ZNF334: variants seen among roughly 807,000 people sequenced by gnomAD.
ZNF334 encodes zinc finger protein 334.
ZNF334 carries 14 observed loss-of-function variants against 12.4 expected under a neutral mutation model. The observed-to-expected ratio is 1.13, with a 90% confidence interval of 0.74 to 1.76. The LOEUF is 1.76. Among genes scored for constraint, ZNF334 ranks in the 40% most tolerant of loss-of-function variants. The pLI is 0.00. For synonymous variants in ZNF334, 273 were observed against 269.6 expected (o/e 1.01, Z -0.12); for missense variants, 797 against 804.5 (o/e 0.99, Z 0.11).
intron 2 of ZNF334, among the ~76,000 whole-genome samples, chr20:46,507,190 AG>A (rs2061462964): frequency 6.6e-6 from 1 of 151,884 alleles, no homozygotes; most frequent in African/African-American, 2.4e-5. Flanking sequence ...AAAAGAAAGG[AG>A]AAATGAAGGG....
Position 46,501,048 on chromosome 20 carries a change from C to T in ZNF334, c.*248G>A, listed in dbSNP as rs904709978. The T allele has an allele frequency of 3.3e-5, 14 of 430,208 alleles. No homozygotes were observed. The highest frequency in any genetic ancestry group is 7.9e-5 in the African/African-American group (4 of 50,350). The allele number at this position is 430,208 out of a possible 1,614,324, so 26.6% of individuals were successfully genotyped here. ...GTTTCATTATTTTAAAAGGGAGGCA[C>T]ATTTGGCATAACCTTTGAATTGCTG... On this transcript the variant is annotated 3_prime_UTR_variant, in exon 5 of 5. Coordinates refer to ENST00000692313, the MANE Select transcript of ZNF334 (RefSeq NM_001353824.2).
downstream of ZNF334, among the ~76,000 whole-genome samples, chr20:46,499,128 C>T (rs1466334466): frequency 3.7e-5 from 5 of 134,966 alleles, no homozygotes; most frequent in South Asian, 2.4e-4. Flanking sequence ...GAGCCGAGAT[C>T]CTGCCACTGC....
the ZNF334 span, among the ~76,000 whole-genome samples, chr20:46,481,751 C>T: frequency 6.6e-6 from 1 of 152,132 alleles, no homozygotes; most frequent in Non-Finnish European, 1.5e-5. Context: ...ACACATCAAA[C>T]TATGCTAATT....
At chr20:46,467,771 G>A in the ZNF334 span, among the ~76,000 whole-genome samples, 2 of 152,164 alleles carry the variant, frequency 1.3e-5, no homozygotes, top group Admixed American at 6.5e-5. Flanking sequence ...ATATTTGGAT[G>A]AGACTGGTGT....
the ZNF334 span, among the ~76,000 whole-genome samples, chr20:46,473,709 T>C: frequency 1.5e-4 from 23 of 152,216 alleles, no homozygotes; most frequent in Admixed American, 1.2e-3. Flanking sequence ...ATGAACAAGA[T>C]AGACAAATCC....
downstream of ZNF334, among the ~76,000 whole-genome samples, chr20:46,496,389 C>A (rs1256655027): frequency 6.6e-6 from 1 of 152,094 alleles, no homozygotes; most frequent in African/African-American, 2.4e-5. Context: ...CAGAATCAGT[C>A]CCATCAAGAA....
At chr20:46,490,615 G>GA in the ZNF334 span, among the ~76,000 whole-genome samples, 17 of 152,058 alleles carry the variant, frequency 1.1e-4, no homozygotes, top group Non-Finnish European at 2.1e-4. Context: ...TAAAGAAATA[G>GA]AAAAAAATTC....
At chr20:46,464,107 T>A in the ZNF334 span, 1 of 590,782 alleles carries the variant, frequency 1.7e-6, no homozygotes, top group Admixed American at 1.9e-5. Context: ...CTGGGCCCAG[T>A]ATCTGTTTGC....
chr20:46,489,821 C>T, the ZNF334 span, among the ~76,000 whole-genome samples: 107 of 152,256 alleles, frequency 7.0e-4, no homozygotes, highest in Non-Finnish European at 1.2e-3. Flanking sequence ...TTTCTAAGCA[C>T]TTCAGTAGCA....
At chr20:46,479,311 C>T in the ZNF334 span, among the ~76,000 whole-genome samples, 389 of 152,164 alleles carry the variant, frequency 2.6e-3, 2 homozygotes, top group African/African-American at 8.7e-3. Flanking sequence ...GGATAATTGT[C>T]CCAACTCAGG....
chr20:46,499,106 G>A (rs4810511), downstream of ZNF334, among the ~76,000 whole-genome samples: 69,074 of 146,810 alleles, frequency 0.47, 16,452 homozygotes, highest in East Asian at 0.63. Context: ...CCCGGGAGGC[G>A]GAGCTTGCAG....
chr20:46,512,205 A>T, intron 1 of ZNF334, 65 bp from the exon 2 acceptor site: 1 of 1,246,850 alleles, frequency 8.0e-7, no homozygotes, highest in Non-Finnish European at 1.2e-6. Context: ...CTCTACAATT[A>T]CCTACAAAGC....
At chr20:46,497,455 A>G (rs1248616024), downstream of ZNF334, among the ~76,000 whole-genome samples, 1 of 152,256 alleles carries the variant, frequency 6.6e-6, no homozygotes, top group Non-Finnish European at 1.5e-5. Flanking sequence ...GTCCATCTTA[A>G]AGAATAAGCT....
At chr20:46,476,997 C>T in the ZNF334 span, 1 of 152,132 alleles carries the variant, frequency 6.6e-6, no homozygotes, top group African/African-American at 2.4e-5. Context: ...TTTCAAGATA[C>T]TGAAATAAAA....
At chr20:46,466,759 C>T in the ZNF334 span, among the ~76,000 whole-genome samples, 1 of 152,194 alleles carries the variant, frequency 6.6e-6, no homozygotes, top group Non-Finnish European at 1.5e-5. Flanking sequence ...GCTGGGATTA[C>T]AGGCATGAGC....
At chr20:46,497,414 C>T (rs574891682), downstream of ZNF334, among the ~76,000 whole-genome samples, 8 of 152,242 alleles carry the variant, frequency 5.3e-5, no homozygotes, top group African/African-American at 1.7e-4. Flanking sequence ...ATAGGCAAAC[C>T]GTTAACATAT....
the ZNF334 span, among the ~76,000 whole-genome samples, chr20:46,482,305 A>T: frequency 1.3e-5 from 2 of 152,206 alleles, no homozygotes; most frequent in African/African-American, 4.8e-5. Flanking sequence ...GTTTAGAAGA[A>T]CTGAGTAAAT....
chr20:46,465,559 A>G, the ZNF334 span, among the ~76,000 whole-genome samples: 2 of 152,126 alleles, frequency 1.3e-5, no homozygotes, highest in African/African-American at 4.8e-5. Context: ...CAAACAAACA[A>G]AAAACACTAG....
In ZNF334 at chr20:46,502,129, G is replaced by C. The variant is rs141823361; in HGVS notation, c.1210C>G (p.Pro404Ala). 2,867 of 1,614,154 alleles carry C rather than the reference G, an allele frequency of 1.8e-3. 7 individuals carry two copies. The highest frequency in any genetic ancestry group is 2.3e-3 in the Non-Finnish European group (2,720 of 1,180,018). The change falls in exon 5 of 5, where the codon CCC (proline) becomes GCC (alanine). Residue 404 changes from proline to alanine, a missense_variant. Coordinates refer to ENST00000692313, the MANE Select transcript of ZNF334 (RefSeq NM_001353824.2). The stretch of plus-strand genomic sequence containing the variant: ...TTCTCACATTCACTACATTCATAGG[G>C]TTTTTCCCCTGTGTGAATTCTCTGA... ...AHQRIHTGEK[P>A]YECSECEKTF...
Sources: allele counts gnomAD v4.1 joint callset (sites outside exome capture counted in the v4.1 genomes callset), GRCh38; gene constraint gnomAD v4.1.1; transcripts MANE v1.5; gene names NCBI Gene and HGNC (gene_info 2026-07-23, HGNC 2026-07-21).